Variants in AVL9 observed in about 807,000 individuals in gnomAD.
AVL9 encodes late secretory pathway protein AVL9 homolog.
A neutral mutation model predicts 79.2 loss-of-function variants in AVL9; 49 were observed. The ratio of observed to expected loss-of-function variants is 0.62; its 90% CI spans 0.49 to 0.79. The LOEUF is 0.79. AVL9 is among the 30% of genes least tolerant of loss of function. The pLI is 0.00. For synonymous variants in AVL9, 299 were observed against 280.6 expected, an observed-to-expected ratio of 1.07 and a Z score of -0.65; for missense variants, 682 against 776.8, an observed-to-expected ratio of 0.88 and a Z score of 1.45.
intron 1 of AVL9, among the ~76,000 whole-genome samples, chr7:32,498,906 G>A (rs1442711214): frequency 1.1e-5 from 1 of 95,128 alleles, no homozygotes; most frequent in Non-Finnish European, 2.1e-5. Flanking sequence ...GCTCATGCCT[G>A]TAATCCTAAC....
At chr7:32,572,089 G>T (rs1790872021) in intron 11 of AVL9, among the ~76,000 whole-genome samples, 1 of 151,284 alleles carries the variant, frequency 6.6e-6, no homozygotes, top group African/African-American at 2.5e-5. Context: ...TTGAACCCGG[G>T]TGGCAGAGGT....
At chr7:32,545,139 A>G (rs1421409404) in intron 3 of AVL9, among the ~76,000 whole-genome samples, 7 of 151,642 alleles carry the variant, frequency 4.6e-5, no homozygotes, top group Admixed American at 3.9e-4. Context: ...TGTGTTTTTT[A>G]GTTTTTTTAT....
chr7:32,549,757 TAA>T (rs1217299251), intron 4 of AVL9, among the ~76,000 whole-genome samples: 1 of 100,588 alleles, frequency 9.9e-6, no homozygotes, highest in Non-Finnish European at 2.1e-5. Context: ...TACTAAAAAT[TAA>T]AAAAAAAAAA....
chr7:32,528,999 G>C (rs941406226), intron 1 of AVL9, among the ~76,000 whole-genome samples: 1 of 152,150 alleles, frequency 6.6e-6, no homozygotes, highest in Non-Finnish European at 1.5e-5. Context: ...GACAGAGCGA[G>C]ACTGCATCTC....
chr7:32,567,819 G>A (rs1790650771), intron 10 of AVL9, among the ~76,000 whole-genome samples: 1 of 151,684 alleles, frequency 6.6e-6, no homozygotes, highest in Non-Finnish European at 1.5e-5. Context: ...GTCTTTTCAA[G>A]CGATTCTCCT....
At position 32,570,042 on chromosome 7, in the gene AVL9, T is replaced by C. The variant is rs141227977; in HGVS notation, c.1238T>C (p.Met413Thr). 1.5e-4 allele frequency: 238 copies of C among 1,614,228 alleles called. No individual in the cohort carries two copies. The Middle Eastern group carries it at 3.6e-3, about 25-fold the overall frequency. ...TAGGGATATCTGTGTTTGCCTTACA[T>C]GGCATTGCAGCAGCATCATCTTCTC... is the stretch of plus-strand genomic sequence containing the variant. ...FTKGYLCLPY[M>T]ALQQHHLLSD... is the part of the protein sequence containing the mutation. The change falls in exon 11 of 16, where the codon ATG becomes ACG. Residue 413 changes from methionine to threonine, a missense_variant. Physicochemically the swap from Met to Thr is moderately conservative, Grantham distance 81 (BLOSUM62 -1). Coordinates refer to ENST00000318709, the MANE Select transcript of AVL9 (RefSeq NM_015060.3).
chr7:32,540,188 T>C (rs1789112422), intron 1 of AVL9, among the ~76,000 whole-genome samples: 1 of 152,242 alleles, frequency 6.6e-6, no homozygotes, highest in Non-Finnish European at 1.5e-5. Flanking sequence ...TAACCACTCA[T>C]GATGAATATT....
At chr7:32,549,650 C>T (rs889595881) in intron 4 of AVL9, among the ~76,000 whole-genome samples, 2 of 151,670 alleles carry the variant, frequency 1.3e-5, no homozygotes, top group African/African-American at 4.8e-5. Flanking sequence ...CATGGTGGCT[C>T]ACGCCTGTAA....
chr7:32,501,495 TG>T (rs1344884540), intron 1 of AVL9, among the ~76,000 whole-genome samples: 3 of 152,220 alleles, frequency 2.0e-5, no homozygotes, highest in African/African-American at 7.2e-5. Flanking sequence ...TTTTGGTAGA[TG>T]GTTTTTCCTG....
At chr7:32,557,767 C>T (rs984448938) in intron 8 of AVL9, among the ~76,000 whole-genome samples, 4 of 151,806 alleles carry the variant, frequency 2.6e-5, no homozygotes, top group Admixed American at 1.3e-4. Flanking sequence ...GTAGTTTTAG[C>T]ATCTGTTGGT....
In AVL9 at chr7:32,543,268, A is replaced by G. The variant is rs1272891478; in HGVS notation, c.214+7A>G. ...GCACACAACTACCAGGAAGGTATGT[A>G]ACAAGACAGTGAAGCAGTTAGGTGC... On this transcript the variant is annotated splice_region_variant and intron_variant, in intron 2 of 15. Coordinates refer to ENST00000318709, the MANE Select transcript of AVL9 (RefSeq NM_015060.3). 6.2e-7 allele frequency: 1 copy of G among 1,612,436 alleles called. No homozygotes were observed. Among genetic ancestry groups the G allele is most frequent in the African/African-American group, 1.3e-5 (1 of 74,866 alleles).
chr7:32,535,138 A>G (rs921482388), intron 1 of AVL9: 1 of 152,186 alleles, frequency 6.6e-6, no homozygotes, highest in African/African-American at 2.4e-5. Context: ...TCCTGTGCCA[A>G]AGAGGCATAT....
At position 32,576,016 on chromosome 7, in the gene AVL9, C is replaced by T; in HGVS notation, c.1632C>T (p.His544=). 6.2e-7 allele frequency: 1 copy of T among 1,614,088 alleles called. No individual in the cohort carries two copies. Among genetic ancestry groups the T allele is most frequent in the Non-Finnish European group, 8.5e-7 (1 of 1,179,972 alleles). ...TTGTTACAGCATGGAAGAATACTCA[C>T]AACTACAGGGTGTGGAACAGCAACA... The part of the protein sequence containing the change: ...TTFVTAWKNT[H]NYRVWNSNKH... The change falls in exon 13 of 16, where the codon CAC becomes CAT. Residue 544 remains histidine (H), a synonymous_variant. Coordinates refer to ENST00000318709, the MANE Select transcript of AVL9 (RefSeq NM_015060.3).
At position 32,566,742 on chromosome 7, in the gene AVL9, G is replaced by C. The variant is rs191490073; in HGVS notation, c.1216-3278G>C. ...AAATACAAAAAAAGAAATTAGCCAG[G>C]CATGGTGGTGGGCGCCTGTAGTCTC... On this transcript the variant is annotated intron_variant, in intron 10 of 15. Transcript: ENST00000318709. Among the ~76,000 whole-genome samples, 864 of 152,062 alleles carry C rather than the reference G, an allele frequency of 5.7e-3. 7 individuals are homozygous for C. The highest frequency in any genetic ancestry group is 0.02 in the African/African-American group (830 of 41,492).
At chr7:32,544,069 G>C (rs1441194580) in intron 2 of AVL9, among the ~76,000 whole-genome samples, 1 of 151,972 alleles carries the variant, frequency 6.6e-6, no homozygotes, top group Admixed American at 6.6e-5. Context: ...CTGCCACCAT[G>C]CCCAGCAAAA....
intron 1 of AVL9, among the ~76,000 whole-genome samples, chr7:32,524,549 CACACACACAG>C (rs1039211152): frequency 8.8e-6 from 1 of 113,108 alleles, no homozygotes; most frequent in African/African-American, 3.1e-5. Flanking sequence ...CACACACACA[CACACACACAG>C]AGAGAAAAGA....
rs567265240 is a variant in AVL9 at position 32,519,832 on chromosome 7, G to A, written c.94-23309G>A. ...GTTTAATTGACTCACAGTTCTGCAG[G>A]CTGTACAGGAAGCATGAATGGGAGG... On this transcript the variant is annotated intron_variant, in intron 1 of 15. Transcript: ENST00000318709. Among the ~76,000 whole-genome samples the A allele has an allele frequency of 5.9e-5, 9 of 152,260 alleles. No individual in the cohort carries two copies. In the South Asian group the frequency reaches 1.7e-3, roughly 28 times the overall value.
intron 1 of AVL9, among the ~76,000 whole-genome samples, chr7:32,500,660 G>A (rs998217578): frequency 2.0e-5 from 3 of 152,058 alleles, no homozygotes; most frequent in Admixed American, 1.3e-4. Context: ...TGCTTTTGGT[G>A]TTTTAGTTAC....
At chr7:32,583,702 A>G in intron 15 of AVL9, 90 bp from the exon 16 acceptor site, 1 of 810,994 alleles carries the variant, frequency 1.2e-6, no homozygotes, top group Admixed American at 2.9e-5. Flanking sequence ...TTAAATTTTT[A>G]ATTAAAAATG....
Sources: allele counts gnomAD v4.1 joint callset (sites outside exome capture counted in the v4.1 genomes callset), GRCh38; gene constraint gnomAD v4.1.1; transcripts MANE v1.5; gene names NCBI Gene and HGNC (gene_info 2026-07-23, HGNC 2026-07-21).